The following HNRNPA1L3 variants were observed in gnomAD, a reference collection of about 807,000 sequenced individuals.
HNRNPA1L3 encodes heterogeneous nuclear ribonucleoprotein A1-like 3.
the HNRNPA1L3 span, chr16:51,646,019 G>T: frequency 6.3e-7 from 1 of 1,593,460 alleles, no homozygotes; most frequent in Non-Finnish European, 8.5e-7. Context: ...TGTGGAGGAG[G>T]TGGATGCAGC....
At chr16:51,646,490 C>T in the HNRNPA1L3 span, 55 of 1,597,526 alleles carry the variant, frequency 3.4e-5, no homozygotes, top group East Asian at 4.9e-4. Context: ...CTTCAGTGGT[C>T]GTGGTGGCTT....
At chr16:51,645,903 G>T in the HNRNPA1L3 span, 5,359 of 1,607,086 alleles carry the variant, frequency 3.3e-3, 163 homozygotes, top group African/African-American at 0.062. Flanking sequence ...ACTGATGAGA[G>T]CCTGAGGAGC....
At chr16:51,646,183 A>C in the HNRNPA1L3 span, 1 of 1,589,744 alleles carries the variant, frequency 6.3e-7, no homozygotes, top group Admixed American at 1.7e-5. Context: ...ATCACCTAAG[A>C]GATTATTTTG....
chr16:51,645,789 T>C, the HNRNPA1L3 span: 1 of 1,608,114 alleles, frequency 6.2e-7, no homozygotes, highest in South Asian at 1.1e-5. Flanking sequence ...CGAAGAAGCA[T>C]CGTTAAAGTC....
chr16:51,646,638 G>A, the HNRNPA1L3 span: 29 of 1,597,288 alleles, frequency 1.8e-5, no homozygotes, highest in Non-Finnish European at 2.5e-5. Flanking sequence ...TCAAATTTTG[G>A]ACCCATGAAG....
chr16:51,646,619 A>G, the HNRNPA1L3 span: 1 of 1,595,928 alleles, frequency 6.3e-7, no homozygotes, highest in Non-Finnish European at 8.5e-7. Flanking sequence ...CAATTACAAC[A>G]ATCAGTCTTC....
At chr16:51,646,927 G>C in the HNRNPA1L3 span, 1 of 767,616 alleles carries the variant, frequency 1.3e-6, no homozygotes, top group Non-Finnish European at 2.2e-6. Context: ...ATACTCATGT[G>C]TATAGGCAAA....
chr16:51,646,307 A>T, the HNRNPA1L3 span: 1 of 1,586,478 alleles, frequency 6.3e-7, no homozygotes, highest in Non-Finnish European at 8.5e-7. Flanking sequence ...TAAGATTGTC[A>T]TTCAGAAATA....
At chr16:51,645,764 G>T in the HNRNPA1L3 span, 3 of 1,606,272 alleles carry the variant, frequency 1.9e-6, no homozygotes, top group Non-Finnish European at 2.6e-6. Context: ...TTTCCTTTCT[G>T]CCCTTGGACG....
the HNRNPA1L3 span, chr16:51,645,853 G>T: frequency 1.0e-5 from 16 of 1,606,486 alleles, no homozygotes; most frequent in Non-Finnish European, 1.2e-5. Flanking sequence ...AGCCCGAACA[G>T]CTGAGGAAGC....
the HNRNPA1L3 span, chr16:51,646,195 A>G: frequency 3.4e-5 from 54 of 1,593,648 alleles, no homozygotes; most frequent in Non-Finnish European, 1.9e-5. Context: ...ATTATTTTGA[A>G]CAGTATGGAA....
chr16:51,646,746 G>C, the HNRNPA1L3 span: 4 of 1,597,376 alleles, frequency 2.5e-6, no homozygotes, highest in South Asian at 4.4e-5. Flanking sequence ...GGTTCCAGCA[G>C]CAGCAGTAGC....
chr16:51,646,210 T>A, the HNRNPA1L3 span: 17 of 1,595,784 alleles, frequency 1.1e-5, no homozygotes, highest in Admixed American at 1.3e-4. Flanking sequence ...ATGGAAAAAT[T>A]GAAGTGATTG....
At chr16:51,646,457 G>A in the HNRNPA1L3 span, 3 of 1,595,968 alleles carry the variant, frequency 1.9e-6, no homozygotes, top group Non-Finnish European at 2.5e-6. Context: ...CGGTGGGAAT[G>A]ACAACTTCGG....
the HNRNPA1L3 span, chr16:51,646,852 G>A: frequency 5.2e-5 from 65 of 1,261,282 alleles, no homozygotes; most frequent in African/African-American, 8.5e-4. Context: ...CAACAGATTT[G>A]TGAACTCAGC....
the HNRNPA1L3 span, chr16:51,646,996 G>A: frequency 1.7e-6 from 1 of 602,482 alleles, no homozygotes. Flanking sequence ...TTTCTGTTCT[G>A]TGGAAAGTGT....
At chr16:51,646,278 A>G in the HNRNPA1L3 span, 1 of 1,596,104 alleles carries the variant, frequency 6.3e-7, no homozygotes, top group Admixed American at 1.7e-5. Context: ...GTAACCTTTG[A>G]CGACCATGAC....
chr16:51,646,823 A>T, the HNRNPA1L3 span: 6 of 1,497,822 alleles, frequency 4.0e-6, no homozygotes, highest in Non-Finnish European at 5.5e-6. Context: ...CAGAGAAGTG[A>T]CAGGGAAGCT....
chr16:51,645,777 G>A, the HNRNPA1L3 span: 4 of 1,607,598 alleles, frequency 2.5e-6, no homozygotes, highest in East Asian at 2.2e-5. Context: ...CTTGGACGCC[G>A]CCGAAGAAGC....
Sources: allele counts gnomAD v4.1 joint callset, GRCh38; gene constraint gnomAD v4.1.1; transcripts MANE v1.5; gene names NCBI Gene and HGNC (gene_info 2026-07-23, HGNC 2026-07-21).